The following EYA1 variants were observed in gnomAD, a reference collection of about 807,000 sequenced individuals.
The protein encoded by EYA1 is EYA transcriptional coactivator and phosphatase 1.
EYA1 carries 16 observed loss-of-function variants against 82.0 expected under a neutral mutation model. The observed-to-expected ratio is 0.20, with a 90% CI of 0.13 to 0.30. EYA1 has a LOEUF of 0.30. Among genes scored for constraint, EYA1 ranks in the 10% least tolerant of loss-of-function variants. EYA1 has a pLI of 1.00. For missense variants in EYA1, 633 were observed against 730.7 expected, an observed-to-expected ratio of 0.87 and a Z score of 1.54; for synonymous variants, 261 against 264.4, an observed-to-expected ratio of 0.99 and a Z score of 0.12.
intron 9 of EYA1, among the ~76,000 whole-genome samples, chr8:71,279,834 TCTC>T (rs1183670943): frequency 6.6e-6 from 1 of 152,134 alleles, no homozygotes; most frequent in Non-Finnish European, 1.5e-5. Flanking sequence ...AACATTTAAT[TCTC>T]CTTTTTTGTG....
At chr8:71,434,831 C>T (rs1319019751) in intron 2 of EYA1, among the ~76,000 whole-genome samples, 2 of 152,042 alleles carry the variant, frequency 1.3e-5, no homozygotes, top group Non-Finnish European at 2.9e-5. Flanking sequence ...AGCTAAAATG[C>T]CTCCCTACTT....
intron 2 of EYA1, among the ~76,000 whole-genome samples, chr8:71,496,208 C>T (rs904897723): frequency 6.6e-6 from 1 of 152,170 alleles, no homozygotes; most frequent in African/African-American, 2.4e-5. Flanking sequence ...AAACTCAACA[C>T]CTGCTGCCCA....
chr8:71,424,279 C>T (rs1420327578), intron 2 of EYA1, among the ~76,000 whole-genome samples: 1 of 152,138 alleles, frequency 6.6e-6, no homozygotes, highest in African/African-American at 2.4e-5. Flanking sequence ...TCCACAATCT[C>T]TAGTTAATGT....
chr8:71,271,396 T>C (rs1816512920), intron 10 of EYA1, among the ~76,000 whole-genome samples: 1 of 152,190 alleles, frequency 6.6e-6, no homozygotes, highest in South Asian at 2.1e-4. Context: ...CTATTTTTTT[T>C]GTGCCTTTTA....
At chr8:71,378,507 A>C (rs551522596) in intron 2 of EYA1, among the ~76,000 whole-genome samples, 1 of 152,306 alleles carries the variant, frequency 6.6e-6, no homozygotes, top group Admixed American at 6.5e-5. Flanking sequence ...CTTGCCTAGT[A>C]TGAGGTGATA....
intron 1 of EYA1, among the ~76,000 whole-genome samples, chr8:71,544,173 A>C (rs1012496526): frequency 2.6e-5 from 4 of 152,220 alleles, no homozygotes; most frequent in Admixed American, 6.5e-5. Context: ...CTCATATTAG[A>C]GCAAAGCTAG....
Position 71,321,723 on chromosome 8 carries a change from A to C in EYA1, c.418+11T>G, listed in dbSNP as rs772431642. 4.3e-6 allele frequency: 7 copies of C among 1,613,578 alleles called. No individual in the cohort carries two copies. The African/African-American group carries it at 9.3e-5, about 22-fold the overall frequency. On this transcript the variant is annotated intron_variant, in intron 6 of 17. Transcript: ENST00000340726. ...GCGATAACGCCACCACTACAGTTGC[A>C]GGTTACTCACCATATGAGGAAATGC... is the stretch of plus-strand genomic sequence containing the variant.
At chr8:71,307,447 A>G (rs1235598481) in intron 7 of EYA1, among the ~76,000 whole-genome samples, 1 of 152,108 alleles carries the variant, frequency 6.6e-6, no homozygotes, top group South Asian at 2.1e-4. Flanking sequence ...TGGGATTACA[A>G]GCGTGTCCGT....
intron 11 of EYA1, among the ~76,000 whole-genome samples, chr8:71,268,681 C>T (rs563215536): frequency 5.3e-5 from 8 of 152,256 alleles, no homozygotes; most frequent in African/African-American, 1.9e-4. Flanking sequence ...GATATTATTG[C>T]TTCAGCCTAT....
At chr8:71,437,371 T>C (rs1586715220) in intron 2 of EYA1, among the ~76,000 whole-genome samples, 1 of 152,068 alleles carries the variant, frequency 6.6e-6, no homozygotes, top group East Asian at 1.9e-4. Context: ...GAGTTCAAAT[T>C]CTAGCTTTTC....
chr8:71,218,541 C>T (rs561069223), intron 12 of EYA1, among the ~76,000 whole-genome samples: 76 of 152,240 alleles, frequency 5.0e-4, no homozygotes, highest in Middle Eastern at 3.4e-3. Flanking sequence ...CCTTGTAACC[C>T]TCCCCTGCTC....
chr8:71,341,937 TCTAGA>T (rs1825177806), intron 3 of EYA1, among the ~76,000 whole-genome samples: 1 of 152,188 alleles, frequency 6.6e-6, no homozygotes, highest in Non-Finnish European at 1.5e-5. Context: ...TATGGGTTGG[TCTAGA>T]CTAATTTAAA....
intron 2 of EYA1, among the ~76,000 whole-genome samples, chr8:71,474,549 C>G (rs1049819163): frequency 3.9e-5 from 6 of 152,160 alleles, no homozygotes; most frequent in African/African-American, 1.4e-4. Context: ...CTCAACCCTA[C>G]AAATTGCTTT....
chr8:71,377,044 T>C (rs1455227793), intron 2 of EYA1, among the ~76,000 whole-genome samples: 1 of 152,176 alleles, frequency 6.6e-6, no homozygotes, highest in African/African-American at 2.4e-5. Flanking sequence ...CATCACTGTC[T>C]TCTGTCTTAT....
chr8:71,309,555 T>A (rs906221713), intron 7 of EYA1, among the ~76,000 whole-genome samples: 14 of 152,332 alleles, frequency 9.2e-5, no homozygotes, highest in African/African-American at 3.4e-4. Context: ...TTAATGTATA[T>A]TTTCCTAAAA....
chr8:71,346,444 A>ATATATATC (rs1554561580), intron 3 of EYA1, among the ~76,000 whole-genome samples: 2 of 142,696 alleles, frequency 1.4e-5, no homozygotes, highest in African/African-American at 5.1e-5. Context: ...ATATATATAT[A>ATATATATC]TATATATATA....
chr8:71,235,771 A>C (rs1373767775), intron 12 of EYA1, among the ~76,000 whole-genome samples: 2 of 152,206 alleles, frequency 1.3e-5, no homozygotes, highest in Non-Finnish European at 2.9e-5. Context: ...AGAAATGACA[A>C]AGTCTAAAAA....
At chr8:71,488,520 C>T (rs1479290745) in intron 2 of EYA1, among the ~76,000 whole-genome samples, 1 of 152,180 alleles carries the variant, frequency 6.6e-6, no homozygotes. Flanking sequence ...ATGCATCCCA[C>T]TTAGAAGCAC....
At chr8:71,374,018 T>C (rs1828227506) in intron 2 of EYA1, among the ~76,000 whole-genome samples, 1 of 152,120 alleles carries the variant, frequency 6.6e-6, no homozygotes, top group Non-Finnish European at 1.5e-5. Context: ...ATGTAAGACT[T>C]GATACCATAC....
Sources: allele counts gnomAD v4.1 joint callset (sites outside exome capture counted in the v4.1 genomes callset), GRCh38; gene constraint gnomAD v4.1.1; transcripts MANE v1.5; gene names NCBI Gene and HGNC (gene_info 2026-07-23, HGNC 2026-07-21).